Variants in AACS observed in about 807,000 individuals in gnomAD.
The protein encoded by AACS is acetoacetate-CoA ligase.
A neutral mutation model predicts 83.1 loss-of-function variants in AACS; 69 were observed. The ratio of observed to expected loss-of-function variants is 0.83; its 90% CI spans 0.68 to 1.01. The LOEUF (loss-of-function observed/expected upper bound fraction) is 1.01, where lower values mean the gene tolerates loss of function less well. Among genes scored for constraint, AACS ranks in the 50% least tolerant of loss-of-function variants. AACS has a pLI of 0.00. For missense variants in AACS, 866 were observed against 882.2 expected (o/e 0.98, Z 0.23); for synonymous variants, 333 against 343.4 (o/e 0.97, Z 0.33).
intron 1 of AACS, among the ~76,000 whole-genome samples, chr12:125,069,107 C>T (rs1375764432): frequency 6.6e-6 from 1 of 152,200 alleles, no homozygotes; most frequent in Non-Finnish European, 1.5e-5. Flanking sequence ...TCCCAAAGTG[C>T]TGGGATTACA....
At position 125,070,643 on chromosome 12, in the gene AACS, T is replaced by C. The variant is rs150160071; in HGVS notation, c.134-3233T>C. Reference sequence around the variant, plus strand: ...GGGACCAGACAGGTGCCCAAGATAATAATAGTTACTATTCAGTGAGCTCTC... The same window carrying C: ...GGGACCAGACAGGTGCCCAAGATAACAATAGTTACTATTCAGTGAGCTCTC... On this transcript the variant is annotated intron_variant, in intron 1 of 17. Transcript: ENST00000316519. Among the ~76,000 whole-genome samples, 628 of 152,300 alleles carry C rather than the reference T, an allele frequency of 4.1e-3. 1 individual carries two copies. The highest frequency in any genetic ancestry group is 7.3e-3 in the Non-Finnish European group (494 of 68,018).
rs906901779 is a variant in AACS at position 125,128,379 on chromosome 12, C to G, written c.1423+105C>G. On this transcript the variant is annotated intron_variant, in intron 13 of 17. Coordinates refer to ENST00000316519, the MANE Select transcript of AACS (RefSeq NM_023928.5). Reference sequence around the variant, plus strand: ...TTGGACATAGTTCTCCAAAACAGCCCTCGGAGGGGAGGCCCCTGTCACTTG... The same window carrying G: ...TTGGACATAGTTCTCCAAAACAGCCGTCGGAGGGGAGGCCCCTGTCACTTG... 1.5e-5 allele frequency: 15 copies of G among 1,009,646 alleles called. No homozygotes were observed. In the East Asian group the frequency reaches 3.6e-4, roughly 24 times the overall value. The allele number at this position is 1,009,646 out of a possible 1,614,324, so 62.5% of individuals were successfully genotyped here. A position where few individuals can be genotyped will look rare whatever the true frequency, so the allele number is the denominator to read the frequency against.
rs992809863 is a variant in AACS, at chr12:125,142,514, G to A, written c.*285G>A. On this transcript the variant is annotated 3_prime_UTR_variant, in exon 18 of 18. Coordinates refer to ENST00000316519, the MANE Select transcript of AACS (RefSeq NM_023928.5). ...TTTGCACACACAGTGCAGCGGGAAC[G>A]GTGGGGCTGGCTGGTGCTGAAGACA... is the stretch of plus-strand genomic sequence containing the variant. 2.6e-5 allele frequency: 9 copies of A among 342,290 alleles called. No individual in the cohort carries two copies. The highest frequency in any genetic ancestry group is 1.3e-4 in the Admixed American group (3 of 23,340). The allele number at this position is 342,290 out of a possible 1,614,324, so 21.2% of individuals were successfully genotyped here.
chr12:125,142,052 C>A (rs1177161290), intron 17 of AACS, 40 bp from the exon 18 acceptor site: 2 of 1,610,954 alleles, frequency 1.2e-6, no homozygotes, highest in African/African-American at 2.7e-5. Context: ...TTCCCCCCTT[C>A]AGGTTTAAAT....
At chr12:125,091,610 C>G in intron 5 of AACS, 87 bp downstream of exon 5, 3 of 1,393,318 alleles carry the variant, frequency 2.2e-6, no homozygotes, top group Middle Eastern at 1.9e-4. Context: ...CCCAGGGGAG[C>G]CGGACAGCAG....
At chr12:125,077,659 A>C (rs1299405228) in intron 3 of AACS, among the ~76,000 whole-genome samples, 1 of 152,324 alleles carries the variant, frequency 6.6e-6, no homozygotes, top group Middle Eastern at 3.4e-3. Context: ...TAAGGCCAAC[A>C]TACACAGAAA....
intron 4 of AACS, among the ~76,000 whole-genome samples, chr12:125,086,648 G>A (rs1192182973): frequency 6.6e-6 from 1 of 152,202 alleles, no homozygotes; most frequent in Non-Finnish European, 1.5e-5. Context: ...GCAGGAATTT[G>A]CTTTGCTTTG....
intron 1 of AACS, 127 bp downstream of exon 1, chr12:125,065,844 C>T: frequency 7.5e-7 from 1 of 1,334,178 alleles, no homozygotes; most frequent in African/African-American, 1.6e-5. Context: ...GCGGGGAGGC[C>T]TTCTGACTGC....
chr12:125,103,952 C>CACTCCAG (rs1277662177), intron 7 of AACS, among the ~76,000 whole-genome samples: 2 of 123,786 alleles, frequency 1.6e-5, no homozygotes, highest in Non-Finnish European at 3.2e-5. Context: ...AGCGCCACTG[C>CACTCCAG]ACTCCAGCCT....
rs577258620 is a variant in AACS, at chr12:125,084,249, C to T, written c.359-2081C>T. ...AGGAGAATTGCTTGAACCTGGGAGG[C>T]GGAGGGTGCAGTGAGCTGAGATCGC... On this transcript the variant is annotated intron_variant, in intron 3 of 17. Transcript: ENST00000316519. Among the ~76,000 whole-genome samples the T allele has an allele frequency of 3.9e-3, 585 of 151,164 alleles. 5 individuals are homozygous for T. Among genetic ancestry groups the T allele is most frequent in the African/African-American group, 0.014 (558 of 41,238 alleles).
rs758079285 is a variant in AACS, at chr12:125,124,972, C to T, written c.1257C>T (p.Tyr419=). The T allele has an allele frequency of 1.2e-5, 20 of 1,614,226 alleles. 1 individual carries two copies. Among genetic ancestry groups the T allele is most frequent in the South Asian group, 9.9e-5 (9 of 91,084 alleles). The change falls in exon 12 of 18, where the codon TAC becomes TAT. Residue 419 remains tyrosine, a synonymous_variant. Coordinates refer to ENST00000316519, the MANE Select transcript of AACS (RefSeq NM_023928.5). ...STGSPLKAQS[Y]EYVYRCIKSS... ...GCTCCCCACTGAAAGCCCAGAGCTACGAGTATGTCTACAGGTGCATCAAGA... is the reference window on the plus strand; with the variant it reads ...GCTCCCCACTGAAAGCCCAGAGCTATGAGTATGTCTACAGGTGCATCAAGA...
At position 125,077,003 on chromosome 12, in the gene AACS, G is replaced by T. The variant is rs184169732; in HGVS notation, c.358+392G>T. ...GCTCACTGCAGCCTCAATCTCCCAG[G>T]CTCAAGCAATCCTCCCACCTCAGCT... On this transcript the variant is annotated intron_variant, in intron 3 of 17. Coordinates refer to ENST00000316519, the MANE Select transcript of AACS (RefSeq NM_023928.5). Among the ~76,000 whole-genome samples the T allele has an allele frequency of 3.1e-3, 467 of 152,030 alleles. 5 individuals are homozygous for T. The highest frequency in any genetic ancestry group is 0.023 in the Admixed American group (351 of 15,242).
chr12:125,137,261 CTTCCCAGG>C (rs1243208136), intron 17 of AACS, among the ~76,000 whole-genome samples: 1 of 152,236 alleles, frequency 6.6e-6, no homozygotes, highest in Non-Finnish European at 1.5e-5. Context: ...GCAACCTCCG[CTTCCCAGG>C]TTCAAGCAGT....
At chr12:125,102,610 A>G (rs1295910973) in intron 5 of AACS, 69 bp from the exon 6 acceptor site, 3 of 1,352,062 alleles carry the variant, frequency 2.2e-6, no homozygotes, top group South Asian at 1.2e-5. Context: ...GACTACAGGC[A>G]CCCACCACCA....
At chr12:125,090,725 A>ATCCATCC (rs1956464585) in intron 4 of AACS, among the ~76,000 whole-genome samples, 2 of 151,828 alleles carry the variant, frequency 1.3e-5, no homozygotes, top group East Asian at 2.0e-4. Context: ...CTCATCCATC[A>ATCCATCC]TCCATCCATC....
intron 4 of AACS, among the ~76,000 whole-genome samples, chr12:125,087,024 G>A (rs919496911): frequency 6.6e-6 from 1 of 152,030 alleles, no homozygotes; most frequent in South Asian, 2.1e-4. Flanking sequence ...GCGTCTACAC[G>A]GGCATTAGGA....
chr12:125,135,831 C>G (rs1374631425), intron 16 of AACS: 2 of 152,480 alleles, frequency 1.3e-5, no homozygotes, highest in African/African-American at 4.8e-5. Context: ...CTGCAACCTC[C>G]GCCTCCTGGG....
At position 125,094,133 on chromosome 12, in the gene AACS, G is replaced by A. The variant is rs565876753; in HGVS notation, c.570+2610G>A. On this transcript the variant is annotated intron_variant, in intron 5 of 17. Transcript: ENST00000316519. This position sits in a 1 kb window ranked among gnomAD's most constrained non-coding sequence, Gnocchi z 4.1. ...CTGGAGTTGCTGATGAGGTGGGGCT[G>A]GAACTGAGCCAAGGCTGATGGGTTC... is the stretch of plus-strand genomic sequence containing the variant. Among the ~76,000 whole-genome samples the A allele has an allele frequency of 1.1e-4, 17 of 152,190 alleles. No homozygotes were observed. Among genetic ancestry groups the A allele is most frequent in the Non-Finnish European group, 2.2e-4 (15 of 68,026 alleles).
chr12:125,107,303 G>A (rs760753338), intron 8 of AACS, 35 bp downstream of exon 8: 34 of 1,604,586 alleles, frequency 2.1e-5, no homozygotes, highest in Non-Finnish European at 2.2e-5. Flanking sequence ...AGGGCCTCCT[G>A]TTGTCTGTTT....
Sources: gnomAD v4.1 joint callset for allele counts (sites outside exome capture counted in the v4.1 genomes callset) on GRCh38, gnomAD v4.1.1 for gene constraint, Gnocchi (gnomAD v3.1) non-coding constraint, MANE v1.5 for transcripts, NCBI Gene and HGNC (gene_info 2026-07-23, HGNC 2026-07-21) for gene names.